The following GPM6A variants were observed in gnomAD, a reference collection of about 807,000 sequenced individuals.
GPM6A encodes the protein neuronal membrane glycoprotein M6-a.
Under a neutral mutation model 32.1 loss-of-function variants are expected in GPM6A, and 7 were observed. The observed-to-expected ratio is 0.22, with a 90% CI of 0.12 to 0.41. GPM6A has a LOEUF of 0.41. Ranked by LOEUF, GPM6A falls within the 10% of genes least tolerant of loss-of-function variation. The pLI is 1.00. For missense variants in GPM6A, 235 were observed against 347.2 expected, an observed-to-expected ratio of 0.68 and a Z score of 2.57; for synonymous variants, 130 against 123.4, an observed-to-expected ratio of 1.05 and a Z score of -0.35.
At chr4:175,881,690 T>C (rs1737281764) in intron 1 of GPM6A, among the ~76,000 whole-genome samples, 1 of 152,142 alleles carries the variant, frequency 6.6e-6, no homozygotes, top group African/African-American at 2.4e-5. Flanking sequence ...TCATGTCCTT[T>C]TTAGGGACAT....
At chr4:175,719,203 C>CT (rs33963681) in intron 1 of GPM6A, among the ~76,000 whole-genome samples, 4,804 of 146,612 alleles carry the variant, frequency 0.033, 104 homozygotes, top group Non-Finnish European at 0.049. Flanking sequence ...TATAACACAA[C>CT]TTTTTTTTTT....
chr4:175,639,124 G>C (rs969740878), intron 6 of GPM6A, among the ~76,000 whole-genome samples: 5 of 152,040 alleles, frequency 3.3e-5, no homozygotes, highest in Non-Finnish European at 5.9e-5. Flanking sequence ...ATTCATGTTA[G>C]TACTGACATA....
chr4:175,913,714 C>A (rs1738394797), intron 1 of GPM6A, among the ~76,000 whole-genome samples: 1 of 152,136 alleles, frequency 6.6e-6, no homozygotes, highest in Non-Finnish European at 1.5e-5. Flanking sequence ...CCCATCCCTT[C>A]ATCTCCTTCA....
chr4:175,792,827 A>T (rs7660934), intron 1 of GPM6A, among the ~76,000 whole-genome samples: 144 of 152,310 alleles, frequency 9.5e-4, no homozygotes, highest in African/African-American at 3.3e-3. Flanking sequence ...TTACTTTTAA[A>T]TATTTATATT....
At chr4:175,713,378 A>C in intron 1 of GPM6A, among the ~76,000 whole-genome samples, 1 of 151,986 alleles carries the variant, frequency 6.6e-6, no homozygotes, top group Non-Finnish European at 1.5e-5. Context: ...AATTTAGTAG[A>C]GACGGGGTTT....
intron 1 of GPM6A, among the ~76,000 whole-genome samples, chr4:175,896,751 A>C (rs1033837295): frequency 6.6e-6 from 1 of 152,102 alleles, no homozygotes; most frequent in African/African-American, 2.4e-5. Flanking sequence ...GGGGAGAAAT[A>C]CATAAAATAA....
chr4:175,933,602 T>C (rs1739124067), intron 1 of GPM6A, among the ~76,000 whole-genome samples: 1 of 151,880 alleles, frequency 6.6e-6, no homozygotes, highest in South Asian at 2.1e-4. Flanking sequence ...GTTTGTTTTT[T>C]CACGATCTTG....
intron 1 of GPM6A, among the ~76,000 whole-genome samples, chr4:175,965,428 T>C (rs1326111093): frequency 6.6e-6 from 1 of 150,662 alleles, no homozygotes; most frequent in African/African-American, 2.4e-5. Context: ...CAGAAAAAAA[T>C]AATATTAATT....
chr4:175,854,998 G>A (rs1184481321), intron 1 of GPM6A, among the ~76,000 whole-genome samples: 1 of 152,148 alleles, frequency 6.6e-6, no homozygotes, highest in African/African-American at 2.4e-5. Flanking sequence ...TTTTGCCTCA[G>A]TAGTTAAAAT....
At chr4:175,715,735 A>C (rs1319840531) in intron 1 of GPM6A, among the ~76,000 whole-genome samples, 1 of 148,926 alleles carries the variant, frequency 6.7e-6, no homozygotes, top group Non-Finnish European at 1.5e-5. Context: ...TTTTTTTTGA[A>C]TCTCTTCACT....
intron 1 of GPM6A, among the ~76,000 whole-genome samples, chr4:175,879,292 T>C (rs1218523595): frequency 6.6e-6 from 1 of 152,322 alleles, no homozygotes; most frequent in African/African-American, 2.4e-5. Flanking sequence ...CATTTTCAGG[T>C]AACTTCACAG....
chr4:175,657,407 C>A (rs1000811002), intron 3 of GPM6A, among the ~76,000 whole-genome samples: 2 of 152,172 alleles, frequency 1.3e-5, no homozygotes, highest in Non-Finnish European at 2.9e-5. Context: ...TGTATCTATA[C>A]TTTTAAAATC....
At chr4:175,793,051 T>C (rs537754002) in intron 1 of GPM6A, among the ~76,000 whole-genome samples, 2 of 152,280 alleles carry the variant, frequency 1.3e-5, no homozygotes, top group East Asian at 3.9e-4. Flanking sequence ...TGGTGGTCTG[T>C]GCTTGTGGTC....
intron 1 of GPM6A, among the ~76,000 whole-genome samples, chr4:175,849,631 T>G (rs1455858371): frequency 1.3e-5 from 2 of 152,230 alleles, no homozygotes; most frequent in Non-Finnish European, 2.9e-5. Flanking sequence ...CTAATAATCA[T>G]TTCTTCATAA....
intron 1 of GPM6A, among the ~76,000 whole-genome samples, chr4:175,800,514 C>T (rs1355740256): frequency 2.0e-5 from 3 of 152,138 alleles, no homozygotes; most frequent in Non-Finnish European, 2.9e-5. Context: ...CAGCCATCCC[C>T]ACTTGTTTCC....
intron 1 of GPM6A, chr4:175,872,621 T>C (rs933874546): frequency 1.3e-5 from 2 of 152,200 alleles, no homozygotes; most frequent in African/African-American, 4.8e-5. Flanking sequence ...TATTAATAAA[T>C]ACTCCCATCT....
chr4:175,881,855 G>A (rs1737288957), intron 1 of GPM6A, among the ~76,000 whole-genome samples: 2 of 147,290 alleles, frequency 1.4e-5, no homozygotes, highest in African/African-American at 2.7e-5. Flanking sequence ...GTGGGAGGAG[G>A]GGGAGGGATA....
intron 1 of GPM6A, among the ~76,000 whole-genome samples, chr4:175,864,877 G>T (rs1736682983): frequency 6.6e-6 from 1 of 150,892 alleles, no homozygotes; most frequent in African/African-American, 2.4e-5. Context: ...TGTGATCTCG[G>T]CTCACTGCAA....
At chr4:175,949,298 T>C (rs1739722993) in intron 1 of GPM6A, among the ~76,000 whole-genome samples, 1 of 152,112 alleles carries the variant, frequency 6.6e-6, no homozygotes, top group African/African-American at 2.4e-5. Flanking sequence ...GTCAAGTTTG[T>C]TTATTTTTGT....
Sources: gnomAD v4.1 joint callset for allele counts (sites outside exome capture counted in the v4.1 genomes callset) on GRCh38, gnomAD v4.1.1 for gene constraint, MANE v1.5 for transcripts, NCBI Gene and HGNC (gene_info 2026-07-23, HGNC 2026-07-21) for gene names.